The following CBX2 variants were observed in gnomAD, a reference collection of about 807,000 sequenced individuals.
CBX2 encodes chromobox protein homolog 2.
A neutral mutation model predicts 21.0 loss-of-function variants in CBX2; 11 were observed. The observed-to-expected ratio is 0.52, with a 90% CI of 0.33 to 0.87. The LOEUF is 0.87. Ranked by LOEUF, CBX2 falls within the 40% of genes least tolerant of loss-of-function variation. The pLI, the probability that CBX2 is intolerant of heterozygous loss-of-function variation, is 0.02. For missense variants in CBX2, 746 were observed against 724.3 expected (o/e 1.03, Z -0.34); for synonymous variants, 364 against 304.6 (o/e 1.19, Z -2.03).
intron 3 of CBX2, among the ~76,000 whole-genome samples, chr17:79,780,611 G>A (rs782479640): frequency 1.3e-5 from 2 of 152,134 alleles, no homozygotes; most frequent in Non-Finnish European, 2.9e-5. Flanking sequence ...TAAGAAGAGT[G>A]TAAAACCCAT....
At position 79,785,404 on chromosome 17, in the gene CBX2, C is replaced by T; in HGVS notation, c.*362C>T. 2 of 334,182 alleles carry T rather than the reference C, an allele frequency of 6.0e-6. No individual in the cohort carries two copies. The highest frequency in any genetic ancestry group is 1.1e-5 in the Non-Finnish European group (2 of 174,284). The allele number at this position is 334,182 out of a possible 1,614,324, so 20.7% of individuals were successfully genotyped here. ...TGAGTTTGAACTGCTCCTCCCTGGCCTGCGTGACTGAATCACAGCTTTGGT... is the reference window on the plus strand; with the variant it reads ...TGAGTTTGAACTGCTCCTCCCTGGCTTGCGTGACTGAATCACAGCTTTGGT... On this transcript the variant is annotated 3_prime_UTR_variant, in exon 5 of 5. Coordinates refer to ENST00000310942, the MANE Select transcript of CBX2 (RefSeq NM_005189.3).
In CBX2 at chr17:79,778,393, G is replaced by C. The variant is rs782481661; in HGVS notation, c.82G>C (p.Glu28Gln). 11 of 1,579,702 alleles carry C rather than the reference G, an allele frequency of 7.0e-6. No individual in the cohort carries two copies. Among genetic ancestry groups the C allele is most frequent in the Non-Finnish European group, 8.6e-6 (10 of 1,168,282 alleles). ...TCTTCTCTCCCCGCAGGGCAAGCTG[G>C]AGTACCTGGTCAAGTGGCGCGGCTG... is the stretch of plus-strand genomic sequence containing the variant. ...LSKRLRKGKL[E>Q]YLVKWRGWSS... Residue 28 changes from glutamate (E) to glutamine (Q), a missense_variant, in exon 2 of 5, where the codon GAG becomes CAG. Transcript: ENST00000310942. This position sits in a 1 kb window ranked among gnomAD's most constrained non-coding sequence, Gnocchi z 4.8.
In CBX2 at chr17:79,785,024, CA is replaced by C. The variant is rs782297478; in HGVS notation, c.1583del (p.Asn528ThrfsTer2). ...KESPTSVGFF[N>X]LRHY ...AGTCTCCCACCAGCGTGGGCTTCTT[CA>C]ACCTGAGGCATTACTGAAGCCCCGG... is the stretch of plus-strand genomic sequence containing the variant. On this transcript the variant is annotated frameshift_variant, in exon 5 of 5. Coordinates refer to ENST00000310942, the MANE Select transcript of CBX2 (RefSeq NM_005189.3). LOFTEE classifies it high-confidence loss of function. 5 of 1,600,854 alleles carry C rather than the reference CA, an allele frequency of 3.1e-6. No homozygotes were observed. In the South Asian group the frequency reaches 5.5e-5, roughly 18 times the overall value.
chr17:79,778,632 G>A lies in CBX2; in HGVS notation c.116+205G>A, dbSNP rs1345388710. On this transcript the variant is annotated intron_variant, in intron 2 of 4. Coordinates refer to ENST00000310942, the MANE Select transcript of CBX2 (RefSeq NM_005189.3). This position sits in a 1 kb window ranked among gnomAD's most constrained non-coding sequence, Gnocchi z 4.8. ...GCCCTTTGTTTACACGCCCGCGGGT[G>A]CAGAGCTGGGCGGCCCCCCGCGCCA... Among the ~76,000 whole-genome samples, 10 of 151,620 alleles carry A rather than the reference G, an allele frequency of 6.6e-5. No individual in the cohort carries two copies. The East Asian group carries it at 1.8e-3, about 27-fold the overall frequency.
At chr17:79,777,508 A>C (rs917763783), upstream of CBX2, among the ~76,000 whole-genome samples, 18 of 152,174 alleles carry the variant, frequency 1.2e-4, no homozygotes, top group Non-Finnish European at 2.5e-4. Context: ...TTGGTGGTTT[A>C]AGTTAAAGCA....
Position 79,784,901 on chromosome 17 carries a change from C to A in CBX2, c.1458C>A (p.Ser486=), listed in dbSNP as rs528502956. The change falls in exon 5 of 5, where the codon TCC becomes TCA. Residue 486 remains serine, a synonymous_variant. Coordinates refer to ENST00000310942, the MANE Select transcript of CBX2 (RefSeq NM_005189.3). The surrounding 1 kb of genome is among the most constrained non-coding windows in gnomAD (Gnocchi z 5.9). The stretch of plus-strand genomic sequence containing the variant: ...GCACTGGACAGAACCCGTCAGTGTC[C>A]GTTCAGACCAGCCAGGACTGGAAGC... ...PPSTGQNPSV[S]VQTSQDWKPT... The A allele has an allele frequency of 9.9e-6, 16 of 1,613,470 alleles. No individual in the cohort carries two copies. The African/African-American group carries it at 2.0e-4, about 20-fold the overall frequency.
At chr17:79,781,216 G>A (rs1907171360) in intron 3 of CBX2, among the ~76,000 whole-genome samples, 1 of 152,172 alleles carries the variant, frequency 6.6e-6, no homozygotes, top group Non-Finnish European at 1.5e-5. Flanking sequence ...GCTCTGCGAG[G>A]GCTGGAGGAC....
chr17:79,778,458 C>G lies in CBX2; in HGVS notation c.116+31C>G, dbSNP rs782791167. 4.9e-5 allele frequency: 71 copies of G among 1,447,842 alleles called. No homozygotes were observed. The highest frequency in any genetic ancestry group is 5.8e-5 in the Non-Finnish European group (63 of 1,081,824). 89.7% of individuals were successfully genotyped at this position (1,447,842 alleles called of 1,614,324 possible). The stretch of plus-strand genomic sequence containing the variant: ...TCCCCCGCGACGCCGCGCCCCCCTC[C>G]CGCCCCCTCGCCCGGGGGTGGGGAC... On this transcript the variant is annotated intron_variant, in intron 2 of 4. Coordinates refer to ENST00000310942, the MANE Select transcript of CBX2 (RefSeq NM_005189.3). The surrounding 1 kb of genome is among the most constrained non-coding windows in gnomAD (Gnocchi z 4.8).
chr17:79,781,955 C>T (rs931755890), intron 4 of CBX2, 154 bp downstream of exon 4: 2 of 1,614,202 alleles, frequency 1.2e-6, no homozygotes, highest in East Asian at 2.2e-5. Flanking sequence ...CCCTTTCTTC[C>T]TGTCTCTCAG....
At chr17:79,782,115 G>A (rs1555830493) in intron 4 of CBX2, 4 of 1,613,248 alleles carry the variant, frequency 2.5e-6, no homozygotes, top group South Asian at 1.1e-5. Flanking sequence ...GGGTCCTTGG[G>A]GGACGGAAAG....
intron 2 of CBX2, 25 bp from the exon 3 acceptor site, chr17:79,779,337 T>C: frequency 6.2e-7 from 1 of 1,611,918 alleles, no homozygotes; most frequent in Non-Finnish European, 8.5e-7. Context: ...TGGCGTCTAA[T>C]GCTGCCCTGT....
rs1907504933 is a variant in CBX2 at position 79,784,698 on chromosome 17, G to A, written c.1255G>A (p.Val419Met). The change falls in exon 5 of 5, where the codon GTG becomes ATG. Residue 419 changes from valine to methionine, a missense_variant. Physicochemically the swap from Val to Met is conservative, Grantham distance 21. Around this residue, in one of 2 missense-constraint regions of CBX2, gnomAD observed 701 missense variants for 650.7 expected, o/e 1.08. Coordinates refer to ENST00000310942, the MANE Select transcript of CBX2 (RefSeq NM_005189.3). The surrounding 1 kb of genome is among the most constrained non-coding windows in gnomAD (Gnocchi z 5.9). The part of the protein sequence containing the change: ...SKSEKLASRA[V>M]APPTPASKRD... ...AAGTGAGAAGCTGGCTTCCAGAGCA[G>A]TGGCGCCACCCACCCCTGCCAGCAA... The A allele has an allele frequency of 2.5e-6, 4 of 1,611,712 alleles. No homozygotes were observed. The highest frequency in any genetic ancestry group is 3.4e-6 in the Non-Finnish European group (4 of 1,179,634).
chr17:79,779,942 C>G lies in CBX2; in HGVS notation c.182+515C>G, dbSNP rs550454276. 2.0e-5 allele frequency among the ~76,000 whole-genome samples: 3 copies of G among 152,376 alleles called. No homozygotes were observed. The East Asian group carries it at 5.8e-4, about 29-fold the overall frequency. ...TCTCAAGAAAGAAACATTTATTTTG[C>G]TCTGGCCTGCAGCATACAGTACCAA... On this transcript the variant is annotated intron_variant, in intron 3 of 4. Coordinates refer to ENST00000310942, the MANE Select transcript of CBX2 (RefSeq NM_005189.3).
intron 3 of CBX2, 168 bp downstream of exon 3, chr17:79,779,595 C>T: frequency 1.5e-6 from 1 of 650,464 alleles, no homozygotes; most frequent in Non-Finnish European, 2.8e-6. Context: ...TAAAAGTCCC[C>T]AGCCAGCCCC....
chr17:79,782,688 G>A (rs1907323563), intron 4 of CBX2, among the ~76,000 whole-genome samples: 1 of 152,140 alleles, frequency 6.6e-6, no homozygotes, highest in South Asian at 2.1e-4. Context: ...GAGCAGGATT[G>A]TGGGGGCTGC....
At chr17:79,781,892 A>AG (rs1555830394) in intron 4 of CBX2, 91 bp downstream of exon 4, 2 of 1,614,146 alleles carry the variant, frequency 1.2e-6, no homozygotes, top group Non-Finnish European at 1.7e-6. Flanking sequence ...GCCCTCAGGA[A>AG]GGGGGTGGCA....
intron 2 of CBX2, 73 bp from the exon 3 acceptor site, chr17:79,779,289 C>G: frequency 7.0e-7 from 1 of 1,436,970 alleles, no homozygotes; most frequent in Non-Finnish European, 9.7e-7. Context: ...TGAGGGCGAG[C>G]CCCCTCGGGC....
rs1254154690 is a variant in CBX2 at position 79,785,359 on chromosome 17, C to G, written c.*317C>G. On this transcript the variant is annotated 3_prime_UTR_variant, in exon 5 of 5. Coordinates refer to ENST00000310942, the MANE Select transcript of CBX2 (RefSeq NM_005189.3). ...TGACTGTCTTGAACAGAGCGGGCTTCTTCATGGCTGCGTTGTTGCTGAGTT... is the reference window on the plus strand; with the variant it reads ...TGACTGTCTTGAACAGAGCGGGCTTGTTCATGGCTGCGTTGTTGCTGAGTT... 6 of 444,444 alleles carry G rather than the reference C, an allele frequency of 1.3e-5. No homozygotes were observed. The East Asian group carries it at 2.6e-4, about 19-fold the overall frequency. 27.5% of individuals were successfully genotyped at this position (444,444 alleles called of 1,614,324 possible). A position where few individuals can be genotyped will look rare whatever the true frequency, so the allele number is the denominator to read the frequency against.
Position 79,783,809 on chromosome 17 carries a change from A to G in CBX2, c.366A>G (p.Glu122=), listed in dbSNP as rs1555830972. 1 of 1,596,330 alleles carries G rather than the reference A, an allele frequency of 6.3e-7. No homozygotes were observed. Among genetic ancestry groups the G allele is most frequent in the Admixed American group, 1.8e-5 (1 of 56,676 alleles). ...CGTCATCCTCCTCTTCCTCAGATGA[A>G]GAGGATGACAGTGACTTAGATGCTA... ...SSTSSSSSSD[E]EDDSDLDAKR... Residue 122 remains glutamate, a synonymous_variant, in exon 5 of 5, where the codon GAA becomes GAG. Transcript: ENST00000310942.
Sources: gnomAD v4.1 joint callset for allele counts (sites outside exome capture counted in the v4.1 genomes callset) on GRCh38, gnomAD v4.1.1 for gene constraint, gnomAD v4.1.1 regional missense constraint, Gnocchi (gnomAD v3.1) non-coding constraint, MANE v1.5 for transcripts, NCBI Gene and HGNC (gene_info 2026-07-23, HGNC 2026-07-21) for gene names.